TMPRSS11A: variants seen among roughly 807,000 people sequenced by gnomAD.
TMPRSS11A encodes transmembrane serine protease 11A.
Under a neutral mutation model 58.9 loss-of-function variants are expected in TMPRSS11A, and 53 were observed. The ratio of observed to expected loss-of-function variants is 0.90; its 90% confidence interval spans 0.72 to 1.13. The LOEUF (loss-of-function observed/expected upper bound fraction) is 1.13. Ranked by LOEUF, TMPRSS11A falls within the 50% of genes most tolerant of loss-of-function variation. TMPRSS11A has a pLI of 0.00. For missense variants in TMPRSS11A, 493 were observed against 499.3 expected, an observed-to-expected ratio of 0.99 and a Z score of 0.12; for synonymous variants, 167 against 169.8, an observed-to-expected ratio of 0.98 and a Z score of 0.13.
chr4:67,911,539 T>C, intron 9 of TMPRSS11A, 36 bp from the exon 10 acceptor site: 1 of 1,551,142 alleles, frequency 6.4e-7, no homozygotes, highest in Non-Finnish European at 8.8e-7. Flanking sequence ...GAAAGAAAAT[T>C]AGCTAAACAT....
intron 6 of TMPRSS11A, among the ~76,000 whole-genome samples, 200 bp from the exon 7 acceptor site, chr4:67,923,126 ACT>A (rs1720376494): frequency 6.6e-6 from 1 of 151,910 alleles, no homozygotes; most frequent in Non-Finnish European, 1.5e-5. Context: ...AGGTTAGCTG[ACT>A]CTCTGATCAA....
rs1720355777 is a variant in TMPRSS11A at position 67,922,457 on chromosome 4, A to C, written c.692+298T>G. 2.0e-5 allele frequency among the ~76,000 whole-genome samples: 3 copies of C among 152,352 alleles called. No homozygotes were observed. In the Middle Eastern group the frequency reaches 0.01, roughly 518 times the overall value. On this transcript the variant is annotated intron_variant, in intron 7 of 9. Transcript: ENST00000508048. Reference sequence around the variant, plus strand: ...TTGTTTGACAAAAGATTAATGGTACATGTTATTAGTGAATATTTTGTGTTA... The same window carrying C: ...TTGTTTGACAAAAGATTAATGGTACCTGTTATTAGTGAATATTTTGTGTTA...
At chr4:67,944,669 T>A in intron 2 of TMPRSS11A, 32 bp from the exon 3 acceptor site, 1 of 1,594,724 alleles carries the variant, frequency 6.3e-7, no homozygotes, top group South Asian at 1.1e-5. Flanking sequence ...GGAAACTAAA[T>A]GGTTTGGACA....
chr4:67,924,348 G>A (rs28434494), intron 5 of TMPRSS11A, among the ~76,000 whole-genome samples, 182 bp from the exon 6 acceptor site: 7,767 of 152,246 alleles, frequency 0.051, 218 homozygotes, highest in Middle Eastern at 0.075. Flanking sequence ...GAGACTTATA[G>A]GCAGCCTCTA....
At chr4:67,937,086 C>G (rs919764830) in intron 3 of TMPRSS11A, among the ~76,000 whole-genome samples, 8 of 152,162 alleles carry the variant, frequency 5.3e-5, no homozygotes, top group Non-Finnish European at 2.9e-5. Context: ...TAACATCATG[C>G]TGTATTTGCT....
intron 5 of TMPRSS11A, among the ~76,000 whole-genome samples, chr4:67,926,875 T>C (rs1720486872): frequency 6.6e-6 from 1 of 152,146 alleles, no homozygotes. Flanking sequence ...TGGGACTACC[T>C]GCCTGCAGAG....
chr4:67,959,472 T>C (rs1577875263), intron 1 of TMPRSS11A, among the ~76,000 whole-genome samples: 3 of 152,112 alleles, frequency 2.0e-5, no homozygotes, highest in African/African-American at 7.2e-5. Flanking sequence ...GTCTAATACC[T>C]AGAATGCATG....
chr4:67,946,607 T>C, intron 1 of TMPRSS11A, 36 bp from the exon 2 acceptor site: 1 of 1,585,156 alleles, frequency 6.3e-7, no homozygotes, highest in Non-Finnish European at 8.6e-7. Context: ...TACTCTCAGA[T>C]AGCAATGCTT....
chr4:67,932,271 T>C (rs1720646855), intron 3 of TMPRSS11A, among the ~76,000 whole-genome samples: 1 of 152,136 alleles, frequency 6.6e-6, no homozygotes, highest in Non-Finnish European at 1.5e-5. Flanking sequence ...GAATTTTGGT[T>C]TCGATTGGTC....
chr4:67,940,177 A>G (rs1398808428), intron 3 of TMPRSS11A, among the ~76,000 whole-genome samples: 1 of 152,072 alleles, frequency 6.6e-6, no homozygotes, highest in Non-Finnish European at 1.5e-5. Context: ...TTCATCAGGG[A>G]TATTGGCCTG....
In TMPRSS11A at chr4:67,910,418, C is replaced by T. The variant is rs1278556331; in HGVS notation, c.*924G>A. The T allele has an allele frequency of 6.6e-6, 1 of 151,938 alleles. No homozygotes were observed. Among genetic ancestry groups the T allele is most frequent in the Non-Finnish European group, 1.5e-5 (1 of 67,906 alleles). The allele number at this position is 151,938 out of a possible 1,614,324, so 9.4% of individuals were successfully genotyped here. On this transcript the variant is annotated 3_prime_UTR_variant, in exon 10 of 10. Transcript: ENST00000508048. The stretch of plus-strand genomic sequence containing the variant: ...TCTTGCTACGGAGGAACATAATGTT[C>T]TTTGATTTTTCAAGGTATTAGTAAA...
intron 6 of TMPRSS11A, among the ~76,000 whole-genome samples, chr4:67,923,727 C>T (rs184668862): frequency 5.1e-4 from 78 of 152,276 alleles, no homozygotes; most frequent in African/African-American, 1.8e-3. Flanking sequence ...TCAGGCTGGT[C>T]TCGAACTCCT....
intron 1 of TMPRSS11A, among the ~76,000 whole-genome samples, chr4:67,952,667 T>A (rs1328691095): frequency 6.6e-6 from 1 of 152,210 alleles, no homozygotes; most frequent in African/African-American, 2.4e-5. Flanking sequence ...AGTGACCATA[T>A]TTGAGGTTGT....
chr4:67,941,423 CTTGTTTGG>C (rs1720876569), intron 3 of TMPRSS11A, among the ~76,000 whole-genome samples: 1 of 152,214 alleles, frequency 6.6e-6, no homozygotes, highest in South Asian at 2.1e-4. Context: ...CATGGGAACC[CTTGTTTGG>C]TTTTGAAGTT....
At position 67,926,617 on chromosome 4, in the gene TMPRSS11A, G is replaced by A. The variant is rs552678351; in HGVS notation, c.482-2451C>T. Among the ~76,000 whole-genome samples the A allele has an allele frequency of 5.3e-5, 8 of 152,288 alleles. 1 individual carries two copies. The highest frequency in any genetic ancestry group is 2.1e-4 in the South Asian group (1 of 4,826). On this transcript the variant is annotated intron_variant, in intron 5 of 9. Coordinates refer to ENST00000508048, the MANE Select transcript of TMPRSS11A (RefSeq NM_001114387.2). ...CCAGGCCTGGAGCCTCTCCTGCTCCGGAACCTGGCCCCACATTGCCATTCT... is the reference window on the plus strand; with the variant it reads ...CCAGGCCTGGAGCCTCTCCTGCTCCAGAACCTGGCCCCACATTGCCATTCT...
intron 1 of TMPRSS11A, among the ~76,000 whole-genome samples, chr4:67,958,111 G>T: frequency 6.6e-6 from 1 of 152,176 alleles, no homozygotes. Context: ...TGGTACAAGA[G>T]CAGTGCACTC....
intron 1 of TMPRSS11A, among the ~76,000 whole-genome samples, chr4:67,959,996 T>G (rs975311335): frequency 2.0e-5 from 3 of 152,156 alleles, no homozygotes; most frequent in Non-Finnish European, 4.4e-5. Flanking sequence ...CTGTAAAAAA[T>G]GTATGTCCTT....
intron 1 of TMPRSS11A, among the ~76,000 whole-genome samples, chr4:67,948,466 G>GT (rs1245215051): frequency 1.3e-5 from 2 of 152,118 alleles, no homozygotes; most frequent in Non-Finnish European, 2.9e-5. Flanking sequence ...TCTTACAAAA[G>GT]TTTTTTATAT....
intron 4 of TMPRSS11A, among the ~76,000 whole-genome samples, chr4:67,931,275 G>A (rs913026795): frequency 6.6e-6 from 1 of 152,030 alleles, no homozygotes; most frequent in Admixed American, 6.5e-5. Flanking sequence ...TGCCAACAAA[G>A]CATTATTAGT....
Sources: gnomAD v4.1 joint callset for allele counts (sites outside exome capture counted in the v4.1 genomes callset) on GRCh38, gnomAD v4.1.1 for gene constraint, MANE v1.5 for transcripts, NCBI Gene and HGNC (gene_info 2026-07-23, HGNC 2026-07-21) for gene names.